ATP8B1: variants seen among roughly 807,000 people sequenced by gnomAD.
ATP8B1 encodes phospholipid-transporting ATPase IC.
A neutral mutation model predicts 149.9 loss-of-function variants in ATP8B1; 80 were observed. The observed-to-expected ratio is 0.53, with a 90% CI of 0.45 to 0.64. ATP8B1 has a LOEUF of 0.64. Among genes scored for constraint, ATP8B1 ranks in the 30% least tolerant of loss-of-function variants. The pLI, the probability that ATP8B1 is intolerant of heterozygous loss-of-function variation, is 0.00. For synonymous variants in ATP8B1, 536 were observed against 562.8 expected (o/e 0.95, Z 0.67); for missense variants, 1,247 against 1,552.6 (o/e 0.80, Z 3.31).
chr18:57,741,643 T>G (rs7234711), intron 1 of ATP8B1, among the ~76,000 whole-genome samples: 21,361 of 152,176 alleles, frequency 0.14, 1,855 homozygotes, highest in East Asian at 0.24. Flanking sequence ...AATAAATGCG[T>G]GTTGGTTTAA....
chr18:57,701,422 A>G, intron 4 of ATP8B1, 109 bp from the exon 5 acceptor site: 1 of 905,540 alleles, frequency 1.1e-6, no homozygotes, highest in Non-Finnish European at 1.8e-6. Context: ...CACCGTCATC[A>G]CATAAGTCTA....
intron 1 of ATP8B1, among the ~76,000 whole-genome samples, chr18:57,767,661 C>T (rs7238900): frequency 0.41 from 62,166 of 151,830 alleles, 12,863 homozygotes; most frequent in Non-Finnish European, 0.44. Flanking sequence ...TGGTGGTGCG[C>T]GCCTGTAATC....
intron 17 of ATP8B1, among the ~76,000 whole-genome samples, chr18:57,670,572 G>T (rs139663323): frequency 1.3e-5 from 2 of 151,640 alleles, no homozygotes; most frequent in Admixed American, 6.6e-5. Flanking sequence ...GGATGGTCTC[G>T]ATCTGTTAAC....
At chr18:57,761,075 A>T (rs976291734) in intron 1 of ATP8B1, among the ~76,000 whole-genome samples, 28 of 123,910 alleles carry the variant, frequency 2.3e-4, no homozygotes, top group African/African-American at 9.1e-4. Flanking sequence ...ATAAAATAAA[A>T]TAAATAAAAT....
At chr18:57,737,379 C>A (rs1265702332) in intron 1 of ATP8B1, among the ~76,000 whole-genome samples, 3 of 151,870 alleles carry the variant, frequency 2.0e-5, no homozygotes, top group African/African-American at 7.3e-5. Flanking sequence ...TCAGATGACA[C>A]AAACCACTGT....
At chr18:57,695,127 T>TA (rs1568199707) in intron 10 of ATP8B1, 44 bp downstream of exon 10, 1 of 1,605,024 alleles carries the variant, frequency 6.2e-7, no homozygotes, top group East Asian at 2.3e-5. Context: ...TCTAAGTCTT[T>TA]AAAGATCATA....
chr18:57,661,326 T>A lies in ATP8B1; in HGVS notation c.2555A>T (p.Asn852Ile), dbSNP rs34681681. ...GCACTCGCAGGCCAGGTCCACAAAG[T>A]TTTTCTGCCGCTGCTCTTTCTTAGC... ...LEAKKEQRQK[N>I]FVDLACECSA... Residue 852 changes from asparagine to isoleucine, a missense_variant, in exon 22 of 28, where the codon AAC becomes ATC. Asn to Ile is a moderately radical substitution (Grantham distance 149). Coordinates refer to ENST00000648908, the MANE Select transcript of ATP8B1 (RefSeq NM_001374385.1). The A allele has an allele frequency of 6.2e-7, 1 of 1,613,986 alleles. No homozygotes were observed. Among genetic ancestry groups the A allele is most frequent in the South Asian group, 1.1e-5 (1 of 91,072 alleles).
At chr18:57,795,086 A>T (rs991811332) in intron 1 of ATP8B1, among the ~76,000 whole-genome samples, 1 of 152,212 alleles carries the variant, frequency 6.6e-6, no homozygotes, top group Non-Finnish European at 1.5e-5. Context: ...GCCCAGGTCC[A>T]TGGCAGCATT....
intron 11 of ATP8B1, among the ~76,000 whole-genome samples, chr18:57,693,976 G>T (rs948633379): frequency 3.9e-5 from 6 of 152,154 alleles, no homozygotes; most frequent in African/African-American, 1.4e-4. Context: ...GGAAGCTTGT[G>T]CCTGGTTTCC....
chr18:57,707,736 T>A (rs2122982812), intron 2 of ATP8B1, among the ~76,000 whole-genome samples: 1 of 151,524 alleles, frequency 6.6e-6, no homozygotes, highest in South Asian at 2.1e-4. Flanking sequence ...CTTGAACTTC[T>A]GACCTGGTGA....
At chr18:57,800,410 A>G (rs1169649926) in intron 1 of ATP8B1, among the ~76,000 whole-genome samples, 1 of 152,242 alleles carries the variant, frequency 6.6e-6, no homozygotes, top group Non-Finnish European at 1.5e-5. Flanking sequence ...TCATGAGTGC[A>G]TCGGTTTCTT....
intron 1 of ATP8B1, among the ~76,000 whole-genome samples, chr18:57,732,333 G>GTATA (rs1568044496): frequency 2.8e-5 from 1 of 36,068 alleles, no homozygotes; most frequent in African/African-American, 1.0e-4. Context: ...GTATATATGT[G>GTATA]TGTATATATA....
rs1003679445 is a variant in ATP8B1, at chr18:57,648,302, A to G, written c.*186T>C. On this transcript the variant is annotated 3_prime_UTR_variant, in exon 28 of 28. Transcript: ENST00000648908. ...CGCCCGGCCGAATAATAGGACTTTT[A>G]AAAGTCCTATTTCTTGGCTCTGCTA... 1.3e-5 allele frequency: 10 copies of G among 772,020 alleles called. No homozygotes were observed. The highest frequency in any genetic ancestry group is 7.1e-4 in the Middle Eastern group (2 of 2,810). The allele number at this position is 772,020 out of a possible 1,614,324, so 47.8% of individuals were successfully genotyped here.
intron 1 of ATP8B1, among the ~76,000 whole-genome samples, chr18:57,764,185 A>G (rs966192032): frequency 6.6e-6 from 1 of 152,202 alleles, no homozygotes; most frequent in African/African-American, 2.4e-5. Context: ...CGAACGACGG[A>G]CATGATGTGG....
chr18:57,664,069 CT>C (rs10598901), intron 20 of ATP8B1, among the ~76,000 whole-genome samples: 63,935 of 133,130 alleles, frequency 0.48, 15,929 homozygotes, highest in Non-Finnish European at 0.55. Context: ...CTGGCCAGCC[CT>C]TTTTTTTTTT....
intron 15 of ATP8B1, among the ~76,000 whole-genome samples, chr18:57,680,414 C>T (rs1323050932): frequency 6.7e-6 from 1 of 150,110 alleles, no homozygotes; most frequent in East Asian, 2.0e-4. Context: ...GGAGAAACCC[C>T]ATCTCTATTA....
chr18:57,680,828 G>C (rs541205002), intron 15 of ATP8B1, among the ~76,000 whole-genome samples: 1 of 152,018 alleles, frequency 6.6e-6, no homozygotes. Context: ...CCCGTGATGC[G>C]CAAAACTCCT....
At position 57,670,496 on chromosome 18, in the gene ATP8B1, C is replaced by T. The variant is rs572170551; in HGVS notation, c.1932+972G>A. Reference sequence around the variant, plus strand: ...CCTCCTGAGTAGCTGGGATTACAGGCGGGTGCCACTGCATCTGGCTAATCT... The same window carrying T: ...CCTCCTGAGTAGCTGGGATTACAGGTGGGTGCCACTGCATCTGGCTAATCT... On this transcript the variant is annotated intron_variant, in intron 17 of 27. Transcript: ENST00000648908. Among the ~76,000 whole-genome samples, 7 of 150,782 alleles carry T rather than the reference C, an allele frequency of 4.6e-5. No homozygotes were observed. The South Asian group carries it at 1.1e-3, about 23-fold the overall frequency.
intron 1 of ATP8B1, among the ~76,000 whole-genome samples, chr18:57,796,428 G>T (rs2080516361): frequency 6.6e-6 from 1 of 152,152 alleles, no homozygotes; most frequent in Admixed American, 6.5e-5. Context: ...AGAATCACTT[G>T]AGCTTAGGAG....
Sources: allele counts gnomAD v4.1 joint callset (sites outside exome capture counted in the v4.1 genomes callset), GRCh38; gene constraint gnomAD v4.1.1; transcripts MANE v1.5; gene names NCBI Gene and HGNC (gene_info 2026-07-23, HGNC 2026-07-21).